SOBP: variants seen among roughly 807,000 people sequenced by gnomAD.
SOBP encodes sine oculis-binding protein homolog.
Under a neutral mutation model 53.6 loss-of-function variants are expected in SOBP, and 4 were observed. The ratio of observed to expected loss-of-function variants is 0.07; its 90% CI spans 0.04 to 0.17. The LOEUF (loss-of-function observed/expected upper bound fraction) is 0.17, where lower values mean the gene tolerates loss of function less well. Ranked by LOEUF, SOBP falls within the 10% of genes least tolerant of loss-of-function variation. The pLI, the probability that SOBP is intolerant of heterozygous loss-of-function variation, is 1.00. For missense variants in SOBP, 1,088 were observed against 1,204.7 expected (o/e 0.90, Z 1.43); for synonymous variants, 584 against 522.6 (o/e 1.12, Z -1.60).
At chr6:107,490,781 A>C in intron 1 of SOBP, 69 bp downstream of exon 1, 1 of 1,249,056 alleles carries the variant, frequency 8.0e-7, no homozygotes, top group East Asian at 2.6e-5. Flanking sequence ...GGGCCGTGGT[A>C]TGGATCTGGG....
chr6:107,604,651 AG>A (rs1339273534), intron 5 of SOBP, among the ~76,000 whole-genome samples: 2 of 152,058 alleles, frequency 1.3e-5, no homozygotes, highest in Non-Finnish European at 2.9e-5. Context: ...AGGTGAGGTC[AG>A]GGGACAGGCG....
chr6:107,623,088 G>A (rs1176026397), intron 5 of SOBP, among the ~76,000 whole-genome samples: 1 of 152,196 alleles, frequency 6.6e-6, no homozygotes, highest in Non-Finnish European at 1.5e-5. Context: ...TGATAGCAGA[G>A]GGGGAGAATG....
intron 5 of SOBP, among the ~76,000 whole-genome samples, chr6:107,596,621 TAAG>T (rs1208612425): frequency 1.3e-5 from 2 of 152,216 alleles, no homozygotes; most frequent in Non-Finnish European, 2.9e-5. Context: ...GAGTTTAAAA[TAAG>T]AAACTTTACT....
intron 3 of SOBP, chr6:107,514,767 A>C (rs2114961869): frequency 6.6e-6 from 1 of 152,276 alleles, no homozygotes; most frequent in Middle Eastern, 3.4e-3. Flanking sequence ...ATATTTATAA[A>C]ATCCTTATTT....
intron 6 of SOBP, among the ~76,000 whole-genome samples, chr6:107,649,667 T>TAAAA (rs11317552): frequency 4.5e-4 from 63 of 139,150 alleles, no homozygotes; most frequent in Non-Finnish European, 8.5e-4. Context: ...GTGTGTTTGT[T>TAAAA]AAAAAAAAAA....
chr6:107,548,257 TG>T (rs1230923887), intron 4 of SOBP, among the ~76,000 whole-genome samples: 3 of 150,154 alleles, frequency 2.0e-5, no homozygotes, highest in East Asian at 1.9e-4. Flanking sequence ...GTTTTCTTTT[TG>T]TTTTTTTTTT....
intron 4 of SOBP, among the ~76,000 whole-genome samples, chr6:107,570,762 G>C (rs1326715838): frequency 6.6e-6 from 1 of 152,204 alleles, no homozygotes; most frequent in Non-Finnish European, 1.5e-5. Context: ...ATCCACATTT[G>C]GTGAAGATCC....
chr6:107,597,523 A>G (rs1785990256), intron 5 of SOBP, among the ~76,000 whole-genome samples: 1 of 152,234 alleles, frequency 6.6e-6, no homozygotes, highest in Non-Finnish European at 1.5e-5. Context: ...AGGAAAATAA[A>G]CAAGCATTAC....
At chr6:107,532,261 ACACACACACAC>A (rs1290157782) in intron 3 of SOBP, among the ~76,000 whole-genome samples, 2 of 150,878 alleles carry the variant, frequency 1.3e-5, no homozygotes, top group East Asian at 2.0e-4. Context: ...ACACACACAC[ACACACACACAC>A]CACACACACA....
chr6:107,609,339 G>A (rs1786506834), intron 5 of SOBP, among the ~76,000 whole-genome samples: 1 of 152,146 alleles, frequency 6.6e-6, no homozygotes, highest in African/African-American at 2.4e-5. Flanking sequence ...CCAGCTTGAA[G>A]ACCACCACTT....
At chr6:107,561,506 G>C (rs1473974017) in intron 4 of SOBP, among the ~76,000 whole-genome samples, 1 of 152,162 alleles carries the variant, frequency 6.6e-6, no homozygotes, top group Non-Finnish European at 1.5e-5. Flanking sequence ...ATGAAGTTGA[G>C]GCAACAAGTC....
chr6:107,606,070 C>CTTT (rs11298151), intron 5 of SOBP, among the ~76,000 whole-genome samples: 7 of 62,900 alleles, frequency 1.1e-4, no homozygotes, highest in African/African-American at 3.8e-4. Context: ...AGATAGGCTC[C>CTTT]TTTTTTTTTT....
At chr6:107,537,385 G>A (rs77205456) in intron 4 of SOBP, among the ~76,000 whole-genome samples, 2,337 of 152,286 alleles carry the variant, frequency 0.015, 59 homozygotes, top group African/African-American at 0.054. Flanking sequence ...GCTACTGCAG[G>A]CAATGTAAAG....
chr6:107,554,082 C>T (rs929967872), intron 4 of SOBP, among the ~76,000 whole-genome samples: 7 of 152,072 alleles, frequency 4.6e-5, no homozygotes, highest in African/African-American at 1.7e-4. Flanking sequence ...GCATGAGGGA[C>T]AGCGTGGCCA....
At chr6:107,531,654 A>G (rs1417483473) in intron 3 of SOBP, among the ~76,000 whole-genome samples, 1 of 152,134 alleles carries the variant, frequency 6.6e-6, no homozygotes, top group Non-Finnish European at 1.5e-5. Context: ...ATATTCCTGA[A>G]ATATCAAAAA....
At chr6:107,596,069 TC>T (rs1208974990) in intron 5 of SOBP, among the ~76,000 whole-genome samples, 1 of 152,202 alleles carries the variant, frequency 6.6e-6, no homozygotes, top group African/African-American at 2.4e-5. Flanking sequence ...CTCTTTTAAT[TC>T]CAGATGAGTC....
chr6:107,585,028 A>C (rs1248695806), intron 4 of SOBP, among the ~76,000 whole-genome samples: 3 of 152,228 alleles, frequency 2.0e-5, no homozygotes, highest in Admixed American at 2.0e-4. Context: ...TGAAAATTAT[A>C]TGCAAAGTGT....
rs372864608 is a variant in SOBP, at chr6:107,635,135, C to T, written c.2291C>T (p.Ala764Val). Reference sequence around the variant, plus strand: ...AAGCTGCTGTCGCCTGAGGAACCGGCGGTGAGCGAGCTAGAGTCGGTCAAG... The same window carrying T: ...AAGCTGCTGTCGCCTGAGGAACCGGTGGTGAGCGAGCTAGAGTCGGTCAAG... ...PKKLLSPEEP[A>V]VSELESVKEN... Residue 764 changes from alanine to valine, a missense_variant, in exon 6 of 7, where the codon GCG (alanine) becomes GTG (valine). Around this residue, in one of 6 missense-constraint regions of SOBP, gnomAD observed 665 missense variants for 629.7 expected, o/e 1.06. Transcript: ENST00000317357. The surrounding 1 kb of genome is among the most constrained non-coding windows in gnomAD (Gnocchi z 4.5). The T allele has an allele frequency of 2.0e-5, 32 of 1,612,868 alleles. No homozygotes were observed. Among genetic ancestry groups the T allele is most frequent in the Non-Finnish European group, 2.4e-5 (28 of 1,179,736 alleles).
intron 5 of SOBP, among the ~76,000 whole-genome samples, chr6:107,631,534 C>T (rs1770715671): frequency 6.6e-6 from 1 of 152,166 alleles, no homozygotes; most frequent in African/African-American, 2.4e-5. Flanking sequence ...ATTTGAGGGT[C>T]TGATGGATTC....
Sources: allele counts gnomAD v4.1 joint callset (sites outside exome capture counted in the v4.1 genomes callset), GRCh38; gene constraint gnomAD v4.1.1; regional missense constraint gnomAD v4.1.1; non-coding constraint Gnocchi (gnomAD v3.1); transcripts MANE v1.5; gene names NCBI Gene and HGNC (gene_info 2026-07-23, HGNC 2026-07-21).